The following PLCB1 variants were observed in gnomAD, a reference collection of about 807,000 sequenced individuals.
PLCB1 encodes 1-phosphatidylinositol 4,5-bisphosphate phosphodiesterase beta-1.
A neutral mutation model predicts 161.8 loss-of-function variants in PLCB1; 46 were observed. The ratio of observed to expected loss-of-function variants is 0.28; its 90% confidence interval spans 0.22 to 0.36. The LOEUF is 0.36. Among genes scored for constraint, PLCB1 ranks in the 10% least tolerant of loss-of-function variants. The probability of loss-of-function intolerance (pLI) is 1.00; values close to 1 mark genes in which losing one functional copy is unlikely to be tolerated. For synonymous variants in PLCB1, 517 were observed against 503.7 expected (o/e 1.03, Z -0.35); for missense variants, 1,016 against 1,472.5 (o/e 0.69, Z 5.07).
intron 3 of PLCB1, among the ~76,000 whole-genome samples, chr20:8,391,056 A>G (rs140083872): frequency 8.5e-5 from 13 of 152,110 alleles, no homozygotes; most frequent in African/African-American, 3.1e-4. Flanking sequence ...ACTTACATGT[A>G]TGTGATGTAG....
chr20:8,333,275 A>G (rs1384612127), intron 2 of PLCB1, among the ~76,000 whole-genome samples: 5 of 152,162 alleles, frequency 3.3e-5, no homozygotes, highest in South Asian at 2.1e-4. Context: ...CACATGAGTA[A>G]GGATAATCTT....
intron 3 of PLCB1, among the ~76,000 whole-genome samples, chr20:8,581,537 T>G (rs1385636560): frequency 6.6e-6 from 1 of 152,146 alleles, no homozygotes; most frequent in East Asian, 1.9e-4. Flanking sequence ...TAGAGCTAAA[T>G]GTTACAAGGT....
intron 31 of PLCB1, among the ~76,000 whole-genome samples, chr20:8,862,796 A>C (rs948586495): frequency 1.3e-5 from 2 of 152,198 alleles, no homozygotes; most frequent in Non-Finnish European, 2.9e-5. Flanking sequence ...ACTAAGGACT[A>C]AGCTAAGGTC....
At chr20:8,871,955 A>T (rs1600106711) in intron 31 of PLCB1, among the ~76,000 whole-genome samples, 1 of 152,186 alleles carries the variant, frequency 6.6e-6, no homozygotes, top group African/African-American at 2.4e-5. Flanking sequence ...GTTATACATG[A>T]GACAGTTAAA....
chr20:8,487,483 A>G (rs368249041), intron 3 of PLCB1, among the ~76,000 whole-genome samples: 9 of 152,286 alleles, frequency 5.9e-5, no homozygotes, highest in Non-Finnish European at 1.0e-4. Flanking sequence ...CTTTGCAACA[A>G]TCATCTGTGG....
intron 27 of PLCB1, among the ~76,000 whole-genome samples, chr20:8,780,222 C>T (rs963948117): frequency 6.6e-6 from 1 of 152,068 alleles, no homozygotes; most frequent in African/African-American, 2.4e-5. Flanking sequence ...CCTGAGGGTC[C>T]CCAATCACTC....
intron 5 of PLCB1, 26 bp from the exon 6 acceptor site, chr20:8,647,874 C>T (rs751926042): frequency 6.3e-7 from 1 of 1,594,518 alleles, no homozygotes; most frequent in South Asian, 1.1e-5. Flanking sequence ...AAAAATCAAA[C>T]CCTTGTTTTT....
intron 2 of PLCB1, among the ~76,000 whole-genome samples, chr20:8,198,072 A>G (rs971710282): frequency 2.0e-5 from 3 of 152,106 alleles, no homozygotes; most frequent in African/African-American, 4.8e-5. Flanking sequence ...GCCTTGTAGT[A>G]TAGTTTGAAG....
At chr20:8,475,811 A>G (rs1435589531) in intron 3 of PLCB1, among the ~76,000 whole-genome samples, 1 of 152,250 alleles carries the variant, frequency 6.6e-6, no homozygotes, top group Non-Finnish European at 1.5e-5. Flanking sequence ...CACTTCTGTG[A>G]TTAATACTAG....
At chr20:8,617,202 G>A (rs149662541) in intron 3 of PLCB1, among the ~76,000 whole-genome samples, 1 of 152,272 alleles carries the variant, frequency 6.6e-6, no homozygotes, top group Admixed American at 6.5e-5. Flanking sequence ...AAGCCAGCTT[G>A]TACCAGTTCA....
chr20:8,809,734 C>T (rs1241113107), intron 31 of PLCB1, among the ~76,000 whole-genome samples: 1 of 152,144 alleles, frequency 6.6e-6, no homozygotes, highest in African/African-American at 2.4e-5. Context: ...AAATTACCTT[C>T]TTTAAAGCTT....
chr20:8,826,686 C>T (rs765338871), intron 31 of PLCB1, among the ~76,000 whole-genome samples: 1 of 152,186 alleles, frequency 6.6e-6, no homozygotes, highest in African/African-American at 2.4e-5. Context: ...TCTCACTCAT[C>T]TCTCACTCTA....
intron 3 of PLCB1, among the ~76,000 whole-genome samples, chr20:8,588,659 A>G (rs1352523266): frequency 1.3e-5 from 2 of 152,156 alleles, no homozygotes; most frequent in South Asian, 4.1e-4. Flanking sequence ...GAAAGCAGCT[A>G]TCTGCAGAAC....
At chr20:8,645,419 A>G (rs1989142477) in intron 4 of PLCB1, among the ~76,000 whole-genome samples, 2 of 152,234 alleles carry the variant, frequency 1.3e-5, no homozygotes, top group African/African-American at 4.8e-5. Flanking sequence ...AGAATTTTGT[A>G]GGGGTTTCAG....
chr20:8,788,758 T>A, intron 29 of PLCB1, 36 bp downstream of exon 29: 1 of 1,337,248 alleles, frequency 7.5e-7, no homozygotes, highest in South Asian at 1.3e-5. Context: ...AAACAGTTCA[T>A]CTGGGAATTA....
intron 11 of PLCB1, among the ~76,000 whole-genome samples, chr20:8,704,934 A>G (rs1978579560): frequency 6.6e-6 from 1 of 150,904 alleles, no homozygotes; most frequent in African/African-American, 2.4e-5. Context: ...GAGAAGACCA[A>G]TGTCCCAGCT....
chr20:8,707,972 A>G (rs1978780419), intron 11 of PLCB1, among the ~76,000 whole-genome samples: 1 of 152,138 alleles, frequency 6.6e-6, no homozygotes, highest in Non-Finnish European at 1.5e-5. Context: ...GAATAGGCAA[A>G]TCTATGAATA....
At chr20:8,528,742 A>G (rs17435510) in intron 3 of PLCB1, among the ~76,000 whole-genome samples, 10,505 of 152,030 alleles carry the variant, frequency 0.069, 468 homozygotes, top group Middle Eastern at 0.11. Flanking sequence ...ATAGCTGGTA[A>G]CATTCTGTAA....
At chr20:8,253,058 A>T (rs1600263957) in intron 2 of PLCB1, among the ~76,000 whole-genome samples, 1 of 151,914 alleles carries the variant, frequency 6.6e-6, no homozygotes, top group South Asian at 2.1e-4. Flanking sequence ...AAATACTATG[A>T]GTGTTCTCAT....
Sources: allele counts gnomAD v4.1 joint callset (sites outside exome capture counted in the v4.1 genomes callset), GRCh38; gene constraint gnomAD v4.1.1; transcripts MANE v1.5; gene names NCBI Gene and HGNC (gene_info 2026-07-23, HGNC 2026-07-21).